EML5: variants seen among roughly 807,000 people sequenced by gnomAD.
EML5 encodes the protein EMAP like 5, also known as echinoderm microtubule-associated protein-like 5.
A neutral mutation model predicts 250.0 loss-of-function variants in EML5; 120 were observed. The observed-to-expected ratio is 0.48, with a 90% CI of 0.41 to 0.56. EML5 has a LOEUF of 0.56. EML5 is among the 20% of genes least tolerant of loss of function. The pLI is 0.00. For synonymous variants in EML5, 771 were observed against 806.5 expected, an observed-to-expected ratio of 0.96 and a Z score of 0.75; for missense variants, 2,006 against 2,437.6, an observed-to-expected ratio of 0.82 and a Z score of 3.73.
rs2087015990 is a variant in EML5, at chr14:88,612,975, C to T, written c.*2843G>A. 2 of 122,648 alleles carry T rather than the reference C, an allele frequency of 1.6e-5. No homozygotes were observed. The highest frequency in any genetic ancestry group is 3.5e-5 in the Non-Finnish European group (2 of 57,230). 7.6% of individuals were successfully genotyped at this position (122,648 alleles called of 1,614,324 possible). ...GCAACATTCTCAGGACCAAATTAAA[C>T]TGCTAAAAAAAAAAAAAAAGTTCAT... On this transcript the variant is annotated 3_prime_UTR_variant, in exon 44 of 44. Transcript: ENST00000554922.
At chr14:88,765,102 T>C (rs80246247) in intron 1 of EML5, among the ~76,000 whole-genome samples, 85 of 149,908 alleles carry the variant, frequency 5.7e-4, no homozygotes, top group African/African-American at 2.0e-3. Context: ...GGGTATTATA[T>C]TAGTTTTCTA....
In EML5 at chr14:88,766,623, T is replaced by C. The variant is rs1025076375; in HGVS notation, c.198-11952A>G. 1.8e-4 allele frequency among the ~76,000 whole-genome samples: 28 copies of C among 152,300 alleles called. No homozygotes were observed. In the East Asian group the frequency reaches 5.4e-3, roughly 29 times the overall value. ...AGCAATTTTAATTTCGCCCCAGTCC[T>C]GTGATCTCGCCCTGCCTCCATTTGC... On this transcript the variant is annotated intron_variant, in intron 1 of 43. Coordinates refer to ENST00000554922, the MANE Select transcript of EML5 (RefSeq NM_183387.3).
At chr14:88,639,027 CACTT>C in intron 31 of EML5, 120 bp from the exon 32 acceptor site, 1 of 711,196 alleles carries the variant, frequency 1.4e-6, no homozygotes, top group Non-Finnish European at 2.3e-6. Flanking sequence ...TGTTTTTGAG[CACTT>C]ACTATGTATA....
At chr14:88,790,840 G>A (rs1289433252) in intron 1 of EML5, among the ~76,000 whole-genome samples, 4 of 152,068 alleles carry the variant, frequency 2.6e-5, no homozygotes, top group African/African-American at 7.2e-5. Flanking sequence ...TAATTACTAC[G>A]GGTTTACTTT....
At chr14:88,618,111 CAA>C in intron 41 of EML5, 115 bp downstream of exon 41, 2 of 730,378 alleles carry the variant, frequency 2.7e-6, no homozygotes, top group Non-Finnish European at 4.3e-6. Flanking sequence ...AATATGGTAA[CAA>C]AAACTTGAAA....
chr14:88,687,132 T>C, intron 19 of EML5, 84 bp downstream of exon 19: 1 of 1,022,564 alleles, frequency 9.8e-7, no homozygotes, highest in Non-Finnish European at 1.4e-6. Context: ...ATACATGCCA[T>C]GTGTTCCACC....
At chr14:88,771,544 C>A (rs1295467311) in intron 1 of EML5, among the ~76,000 whole-genome samples, 2 of 152,184 alleles carry the variant, frequency 1.3e-5, no homozygotes, top group South Asian at 4.1e-4. Context: ...TGACCAATTA[C>A]CCATCATCCC....
chr14:88,693,465 A>G (rs1009498150), intron 17 of EML5, among the ~76,000 whole-genome samples: 3 of 152,216 alleles, frequency 2.0e-5, no homozygotes, highest in Non-Finnish European at 2.9e-5. Flanking sequence ...CCACAAGAAC[A>G]GTATGGCGAA....
intron 17 of EML5, 35 bp from the exon 18 acceptor site, chr14:88,688,508 T>G: frequency 1.2e-6 from 2 of 1,601,512 alleles, no homozygotes; most frequent in Non-Finnish European, 8.5e-7. Context: ...AGTACCACTT[T>G]CAAAATGTAC....
At chr14:88,737,504 A>G (rs2140214818) in intron 6 of EML5, among the ~76,000 whole-genome samples, 1 of 152,344 alleles carries the variant, frequency 6.6e-6, no homozygotes, top group East Asian at 1.9e-4. Context: ...AGCCCAGTGC[A>G]GCCCGGGACA....
At chr14:88,789,432 G>C (rs1477796853) in intron 1 of EML5, among the ~76,000 whole-genome samples, 2 of 152,174 alleles carry the variant, frequency 1.3e-5, no homozygotes, top group Non-Finnish European at 2.9e-5. Context: ...AAAGAAGATG[G>C]AGAACTACAA....
Position 88,615,770 on chromosome 14 carries a change from CTG to C in EML5, c.*46_*47del, listed in dbSNP as rs1363371177. 4.4e-6 allele frequency: 7 copies of C among 1,589,066 alleles called. No individual in the cohort carries two copies. Among genetic ancestry groups the C allele is most frequent in the South Asian group, 3.5e-5 (3 of 86,548 alleles). On this transcript the variant is annotated 3_prime_UTR_variant, in exon 44 of 44. Coordinates refer to ENST00000554922, the MANE Select transcript of EML5 (RefSeq NM_183387.3). ...AGGGTTGGGTTTTGGTTTTTCTTCT[CTG>C]TAATTCTGGTCTCAAAGTTAATTTC... is the stretch of plus-strand genomic sequence containing the variant.
rs776174729 is a variant in EML5, at chr14:88,643,006, A to C, written c.4124T>G (p.Leu1375Arg). 1 of 1,593,138 alleles carries C rather than the reference A, an allele frequency of 6.3e-7. No homozygotes were observed. ...GTCTCTGCCTCGATAACCAAAAATGAGCTCCAACACAAGGTCCTATAATGA... is the reference window on the plus strand; with the variant it reads ...GTCTCTGCCTCGATAACCAAAAATGCGCTCCAACACAAGGTCCTATAATGA... ...KRPIEDLVLE[L>R]IFGYRGRDCR... The change falls in exon 31 of 44, where the codon CTC (leucine) becomes CGC (arginine). Residue 1375 changes from leucine to arginine, a missense_variant. By Grantham distance (102) the Leu-to-Arg change is moderately radical. Transcript: ENST00000554922.
At chr14:88,732,369 C>A (rs556356295) in intron 7 of EML5, among the ~76,000 whole-genome samples, 1 of 152,112 alleles carries the variant, frequency 6.6e-6, no homozygotes, top group Admixed American at 6.6e-5. Context: ...AAAGATCAGA[C>A]GGTTGTAGAT....
chr14:88,755,323 T>G (rs1287809758), intron 1 of EML5, among the ~76,000 whole-genome samples: 2 of 152,206 alleles, frequency 1.3e-5, no homozygotes, highest in Admixed American at 6.5e-5. Context: ...ATTCACCTGT[T>G]TCCAAGCCTT....
rs556436962 is a variant in EML5 at position 88,685,935 on chromosome 14, A to G, written c.2855-793T>C. ...CTGAGGATATGGAACCCACAGATACAGAGGGCCAACTATATTTATTTATGT... is the reference window on the plus strand; with the variant it reads ...CTGAGGATATGGAACCCACAGATACGGAGGGCCAACTATATTTATTTATGT... On this transcript the variant is annotated intron_variant, in intron 19 of 43. Coordinates refer to ENST00000554922, the MANE Select transcript of EML5 (RefSeq NM_183387.3). Among the ~76,000 whole-genome samples, 8 of 152,282 alleles carry G rather than the reference A, an allele frequency of 5.3e-5. No individual in the cohort carries two copies. The South Asian group carries it at 1.7e-3, about 32-fold the overall frequency.
At chr14:88,615,898 A>G in intron 43 of EML5, 44 bp from the exon 44 acceptor site, 1 of 1,582,158 alleles carries the variant, frequency 6.3e-7, no homozygotes, top group Non-Finnish European at 8.6e-7. Context: ...TTATGTTTTT[A>G]GATTTTCATA....
chr14:88,678,485 C>T (rs969554803), intron 21 of EML5, among the ~76,000 whole-genome samples: 10 of 152,100 alleles, frequency 6.6e-5, no homozygotes, highest in African/African-American at 2.2e-4. Flanking sequence ...TCTGCCCTAA[C>T]GGCATAGCAG....
At chr14:88,626,194 G>C (rs1398051246) in intron 35 of EML5, 1 of 152,212 alleles carries the variant, frequency 6.6e-6, no homozygotes, top group African/African-American at 2.4e-5. Context: ...CATGTTTCTT[G>C]ATTTACCTTT....
Sources: allele counts gnomAD v4.1 joint callset (sites outside exome capture counted in the v4.1 genomes callset), GRCh38; gene constraint gnomAD v4.1.1; transcripts MANE v1.5; gene names NCBI Gene and HGNC (gene_info 2026-07-23, HGNC 2026-07-21).